Variants in CNTNAP3B observed in about 807,000 individuals in gnomAD.
The protein encoded by CNTNAP3B is contactin-associated protein-like 3B.
CNTNAP3B carries 25 observed loss-of-function variants against 108.9 expected under a neutral mutation model. The ratio of observed to expected loss-of-function variants is 0.23; its 90% confidence interval spans 0.17 to 0.32. The LOEUF is 0.32. Ranked by LOEUF, CNTNAP3B falls within the 10% of genes least tolerant of loss-of-function variation. The pLI is 1.00. For synonymous variants in CNTNAP3B, 103 were observed against 473.4 expected (o/e 0.22, Z 10.16); for missense variants, 252 against 1,210.4 (o/e 0.21, Z 11.75).
rs1328124949 is a variant in CNTNAP3B, at chr9:42,053,304, T to G, written c.390+23565A>C. Among the ~76,000 whole-genome samples the G allele has an allele frequency of 1.7e-5, 2 of 115,410 alleles. 1 individual carries two copies. Among genetic ancestry groups the G allele is most frequent in the African/African-American group, 6.9e-5 (2 of 28,938 alleles). The allele number at this position is 115,410 out of a possible 152,430, so 75.7% of individuals were successfully genotyped here. On this transcript the variant is annotated intron_variant, in intron 3 of 23. Transcript: ENST00000377561. ...TCACAATCTGAAATGAGCAATAATA[T>G]TCTGAATGTAAAGATAGCCTAAATG...
At chr9:41,979,886 ATATATAT>A in intron 9 of CNTNAP3B, 1 of 103,996 alleles carries the variant, frequency 9.6e-6, no homozygotes, top group African/African-American at 5.4e-5. Context: ...ACCACCTAAG[ATATATAT>A]ATATATATGT....
At chr9:41,960,228 G>A (rs1170162082) in intron 12 of CNTNAP3B, 15 of 165,124 alleles carry the variant, frequency 9.1e-5, no homozygotes, top group African/African-American at 1.9e-4. Context: ...TCGATCTCTC[G>A]ATCTCGTGAT....
chr9:41,931,047 A>G (rs1230955133), intron 14 of CNTNAP3B, among the ~76,000 whole-genome samples: 2 of 152,292 alleles, frequency 1.3e-5, no homozygotes, highest in East Asian at 3.8e-4. Flanking sequence ...ACTCCACAGT[A>G]TCTAGTAAAT....
intron 13 of CNTNAP3B, among the ~76,000 whole-genome samples, chr9:41,950,830 G>C (rs1355295743): frequency 7.2e-6 from 1 of 138,644 alleles, no homozygotes; most frequent in Non-Finnish European, 1.5e-5. Flanking sequence ...GCGCCATCTC[G>C]GCTCACTGCA....
intron 15 of CNTNAP3B, among the ~76,000 whole-genome samples, chr9:41,925,349 T>C (rs1171603329): frequency 1.3e-5 from 2 of 152,174 alleles, no homozygotes; most frequent in Non-Finnish European, 2.9e-5. Context: ...ATCCCAGCAG[T>C]TTGGGAGGCC....
At chr9:41,964,306 A>G (rs545918430) in intron 11 of CNTNAP3B, among the ~76,000 whole-genome samples, 1 of 152,090 alleles carries the variant, frequency 6.6e-6, no homozygotes, top group Admixed American at 6.5e-5. Flanking sequence ...TTATTTCCCC[A>G]TTGCTTGCCA....
At chr9:42,079,894 G>T (rs1490903789) in intron 2 of CNTNAP3B, among the ~76,000 whole-genome samples, 2 of 132,786 alleles carry the variant, frequency 1.5e-5, no homozygotes, top group African/African-American at 3.1e-5. Flanking sequence ...TCTTAGGCTG[G>T]ATGTTGTACA....
intron 1 of CNTNAP3B, among the ~76,000 whole-genome samples, chr9:42,111,551 A>C (rs1302828455): frequency 7.2e-6 from 1 of 138,300 alleles, no homozygotes; most frequent in Non-Finnish European, 1.5e-5. Context: ...ATAAAACTGC[A>C]AGAAGGAAAG....
intron 3 of CNTNAP3B, among the ~76,000 whole-genome samples, chr9:42,030,846 G>GAGAGAGAT (rs1826512639): frequency 1.6e-5 from 2 of 125,750 alleles, no homozygotes; most frequent in African/African-American, 6.7e-5. Flanking sequence ...GAGAGAGAGA[G>GAGAGAGAT]ATGTGTGCTA....
Position 41,977,608 on chromosome 9 carries a change from G to A in CNTNAP3B, c.1478-7363C>T, listed in dbSNP as rs918764727. 2.2e-5 allele frequency among the ~76,000 whole-genome samples: 3 copies of A among 137,112 alleles called. 1 individual carries two copies. The highest frequency in any genetic ancestry group is 5.9e-5 in the African/African-American group (2 of 33,954). 90.0% of individuals were successfully genotyped at this position (137,112 alleles called of 152,430 possible). ...TTCCATGCTGACAGCCAATTTTAGG[G>A]ATGAATTTTACCTTTTTTTTTTTTT... is the stretch of plus-strand genomic sequence containing the variant. On this transcript the variant is annotated intron_variant, in intron 9 of 23. Transcript: ENST00000377561.
At chr9:42,044,239 C>T (rs1404327258) in intron 3 of CNTNAP3B, among the ~76,000 whole-genome samples, 1 of 149,890 alleles carries the variant, frequency 6.7e-6, no homozygotes, top group African/African-American at 2.5e-5. Context: ...AATCTCTGTG[C>T]CTCATTTATA....
intron 11 of CNTNAP3B, among the ~76,000 whole-genome samples, chr9:41,962,961 CA>C (rs1285842820): frequency 6.7e-6 from 1 of 150,010 alleles, no homozygotes; most frequent in Non-Finnish European, 1.5e-5. Flanking sequence ...TCTCAAAAAA[CA>C]AAAAACAAAC....
At chr9:41,931,555 G>T (rs1263113837) in intron 14 of CNTNAP3B, among the ~76,000 whole-genome samples, 1 of 151,912 alleles carries the variant, frequency 6.6e-6, no homozygotes, top group Non-Finnish European at 1.5e-5. Context: ...TACACTTAAT[G>T]GTAAAGAAAG....
intron 2 of CNTNAP3B, among the ~76,000 whole-genome samples, chr9:42,083,046 T>C (rs1827634533): frequency 7.2e-6 from 1 of 139,714 alleles, no homozygotes. Flanking sequence ...GGATTGGCTA[T>C]ATTAAACAAA....
At chr9:41,934,188 C>CATATAT (rs748553009) in intron 14 of CNTNAP3B, among the ~76,000 whole-genome samples, 3,057 of 135,018 alleles carry the variant, frequency 0.023, 8 homozygotes, top group African/African-American at 0.027. Flanking sequence ...CACACACACA[C>CATATAT]ATATATATAT....
In CNTNAP3B at chr9:42,095,057, T is replaced by G. The variant is rs1308555374; in HGVS notation, c.196+9572A>C. Reference sequence around the variant, plus strand: ...AATAGTTAAAATTCTCTCATATATTTCAAAACAGACAACACTTATTAACTC... The same window carrying G: ...AATAGTTAAAATTCTCTCATATATTGCAAAACAGACAACACTTATTAACTC... On this transcript the variant is annotated intron_variant, in intron 2 of 23. Transcript: ENST00000377561. Among the ~76,000 whole-genome samples, 3 of 135,524 alleles carry G rather than the reference T, an allele frequency of 2.2e-5. 1 individual carries two copies. Among genetic ancestry groups the G allele is most frequent in the Non-Finnish European group, 4.7e-5 (3 of 63,808 alleles). 88.9% of individuals were successfully genotyped at this position (135,524 alleles called of 152,430 possible). A position where few individuals can be genotyped will look rare whatever the true frequency, so the allele number is the denominator to read the frequency against.
At chr9:42,029,273 AG>A (rs1372083479) in intron 3 of CNTNAP3B, among the ~76,000 whole-genome samples, 1 of 117,452 alleles carries the variant, frequency 8.5e-6, no homozygotes, top group East Asian at 3.2e-4. Flanking sequence ...TAAACAAAAA[AG>A]TTCCCATTTT....
chr9:41,991,139 A>C (rs1335597629), intron 8 of CNTNAP3B, among the ~76,000 whole-genome samples: 1 of 123,842 alleles, frequency 8.1e-6, no homozygotes, highest in Non-Finnish European at 1.7e-5. Flanking sequence ...CGAAAGAATA[A>C]GAACTCTTGG....
chr9:41,966,554 C>T (rs1395576846), intron 10 of CNTNAP3B, among the ~76,000 whole-genome samples: 1 of 152,196 alleles, frequency 6.6e-6, no homozygotes, highest in African/African-American at 2.4e-5. Flanking sequence ...AGAGGCCTCC[C>T]TGCTCAGGGA....
Sources: gnomAD v4.1 joint callset for allele counts (sites outside exome capture counted in the v4.1 genomes callset) on GRCh38, gnomAD v4.1.1 for gene constraint, MANE v1.5 for transcripts, NCBI Gene and HGNC (gene_info 2026-07-23, HGNC 2026-07-21) for gene names.